CD44: variants seen among roughly 807,000 people sequenced by gnomAD.
CD44 encodes the protein CD44 antigen.
A neutral mutation model predicts 88.8 loss-of-function variants in CD44; 49 were observed. The ratio of observed to expected loss-of-function variants is 0.55; its 90% CI spans 0.44 to 0.70. The LOEUF (loss-of-function observed/expected upper bound fraction) is 0.70. Among genes scored for constraint, CD44 ranks in the 30% least tolerant of loss-of-function variants. The pLI is 0.00. For missense variants in CD44, 883 were observed against 913.8 expected (o/e 0.97, Z 0.43); for synonymous variants, 325 against 312.3 (o/e 1.04, Z -0.43).
chr11:35,154,151 G>T (rs1443779783), intron 1 of CD44, among the ~76,000 whole-genome samples: 1 of 152,182 alleles, frequency 6.6e-6, no homozygotes, highest in Non-Finnish European at 1.5e-5. Flanking sequence ...ATTTACTTAG[G>T]GATCTTGAGT....
intron 1 of CD44, among the ~76,000 whole-genome samples, chr11:35,153,933 A>G (rs1941515463): frequency 6.6e-6 from 1 of 151,680 alleles, no homozygotes; most frequent in African/African-American, 2.4e-5. Context: ...AGAAAGCAAG[A>G]AAAAAAATTT....
intron 1 of CD44, among the ~76,000 whole-genome samples, chr11:35,164,768 G>A (rs1943071582): frequency 1.3e-5 from 2 of 152,222 alleles, no homozygotes; most frequent in South Asian, 4.1e-4. Flanking sequence ...TCTTAATAAT[G>A]AAGGGAAGAA....
At chr11:35,208,970 C>G (rs1185679222) in intron 12 of CD44, among the ~76,000 whole-genome samples, 1 of 152,170 alleles carries the variant, frequency 6.6e-6, no homozygotes, top group Non-Finnish European at 1.5e-5. Flanking sequence ...TATTGATGGT[C>G]AGCAATGTAA....
At chr11:35,187,914 A>C (rs1945853546) in intron 4 of CD44, among the ~76,000 whole-genome samples, 1 of 152,238 alleles carries the variant, frequency 6.6e-6, no homozygotes, top group South Asian at 2.1e-4. Context: ...TATGTTGTCC[A>C]GGCTGGTCTT....
chr11:35,153,621 C>T (rs1049960626), intron 1 of CD44, among the ~76,000 whole-genome samples: 1 of 152,190 alleles, frequency 6.6e-6, no homozygotes, highest in Non-Finnish European at 1.5e-5. Flanking sequence ...ACAAGAGAGG[C>T]ATAGTCTCCT....
rs137859165 is a variant in CD44 at position 35,229,219 on chromosome 11, G to A, written c.2115G>A (p.Lys705=). The A allele has an allele frequency of 1.2e-5, 19 of 1,614,032 alleles. No homozygotes were observed. The highest frequency in any genetic ancestry group is 2.2e-5 in the East Asian group (1 of 44,886). The change falls in exon 18 of 18, where the codon AAG becomes AAA. Residue 705 remains lysine (K), a synonymous_variant. Transcript: ENST00000428726. ...KPSGLNGEAS[K]SQEMVHLVNK... Reference sequence around the variant, plus strand: ...GTGGACTCAACGGAGAGGCCAGCAAGTCTCAGGAAATGGTGCATTTGGTGA... The same window carrying A: ...GTGGACTCAACGGAGAGGCCAGCAAATCTCAGGAAATGGTGCATTTGGTGA...
At chr11:35,226,591 G>A (rs1242232469) in intron 17 of CD44, among the ~76,000 whole-genome samples, 1 of 152,180 alleles carries the variant, frequency 6.6e-6, no homozygotes, top group Non-Finnish European at 1.5e-5. Context: ...TCCAGATACT[G>A]TTCTAAGTGT....
At chr11:35,147,946 C>T (rs1250609003) in intron 1 of CD44, among the ~76,000 whole-genome samples, 1 of 152,052 alleles carries the variant, frequency 6.6e-6, no homozygotes, top group Non-Finnish European at 1.5e-5. Flanking sequence ...AAAAAATTAG[C>T]CGGGCATGGT....
At chr11:35,161,052 T>C (rs1942535159) in intron 1 of CD44, among the ~76,000 whole-genome samples, 1 of 152,214 alleles carries the variant, frequency 6.6e-6, no homozygotes, top group Non-Finnish European at 1.5e-5. Flanking sequence ...TCTTGAGTGG[T>C]TGTAACCAAG....
chr11:35,230,585 A>T lies in CD44; in HGVS notation c.*1252A>T, dbSNP rs1220948743. ...ACACACCAGTGTCTGTTCTTGATGCAGTTGCTATTTAGGATGAGTTAAGTG... is the reference window on the plus strand; with the variant it reads ...ACACACCAGTGTCTGTTCTTGATGCTGTTGCTATTTAGGATGAGTTAAGTG... On this transcript the variant is annotated 3_prime_UTR_variant, in exon 18 of 18. Transcript: ENST00000428726. The T allele has an allele frequency of 2.0e-5, 3 of 152,204 alleles. No individual in the cohort carries two copies. Among genetic ancestry groups the T allele is most frequent in the African/African-American group, 7.2e-5 (3 of 41,442 alleles). 9.4% of individuals were successfully genotyped at this position (152,204 alleles called of 1,614,324 possible). A position where few individuals can be genotyped will look rare whatever the true frequency, so the allele number is the denominator to read the frequency against.
chr11:35,140,179 C>T (rs551173470), intron 1 of CD44, among the ~76,000 whole-genome samples: 1 of 152,352 alleles, frequency 6.6e-6, no homozygotes, highest in East Asian at 1.9e-4. Context: ...ACCAGGGCAA[C>T]ATCAGGGACC....
intron 1 of CD44, among the ~76,000 whole-genome samples, chr11:35,142,831 T>C (rs1379706624): frequency 6.6e-6 from 1 of 152,188 alleles, no homozygotes; most frequent in East Asian, 1.9e-4. Context: ...TTCCCTTCCA[T>C]TCATTCAGGA....
intron 6 of CD44, chr11:35,197,894 C>A: frequency 2.1e-6 from 1 of 475,158 alleles, no homozygotes; most frequent in Non-Finnish European, 3.7e-6. Flanking sequence ...ATTCTTTCAG[C>A]TTTCTTAAAG....
chr11:35,142,182 T>A (rs963739523), intron 1 of CD44, among the ~76,000 whole-genome samples: 3 of 151,728 alleles, frequency 2.0e-5, no homozygotes, highest in African/African-American at 7.3e-5. Context: ...GAGGGGATCT[T>A]TTTTTTTAAT....
rs1948696245 is a variant in CD44 at position 35,214,891 on chromosome 11, C to G, written c.1850C>G (p.Thr617Ser). Residue 617 changes from threonine (T) to serine (S), a missense_variant, in exon 15 of 18, where the codon ACC (threonine) becomes AGC (serine). Physicochemically the swap from Thr to Ser is moderately conservative, Grantham distance 58. Around this residue, in one of 2 missense-constraint regions of CD44, gnomAD observed 631 missense variants for 590.9 expected, o/e 1.07. Transcript: ENST00000428726. ...TTCCACCCCAGTGGGGGGTCCCATACCACTCATGGATCTGAATCAGATGGT... is the reference window on the plus strand; with the variant it reads ...TTCCACCCCAGTGGGGGGTCCCATAGCACTCATGGATCTGAATCAGATGGT... The part of the protein sequence containing the change: ...DTFHPSGGSH[T>S]THGSESDGHS... The G allele has an allele frequency of 6.4e-7, 1 of 1,560,832 alleles. No individual in the cohort carries two copies. Among genetic ancestry groups the G allele is most frequent in the Middle Eastern group, 1.7e-4 (1 of 5,888 alleles).
chr11:35,185,589 CATCCA>C (rs1945584967), intron 3 of CD44, among the ~76,000 whole-genome samples: 1 of 151,696 alleles, frequency 6.6e-6, no homozygotes, highest in South Asian at 2.1e-4. Context: ...TCCCTCTCTC[CATCCA>C]TCTATCCATC....
chr11:35,225,303 C>T (rs950313126), intron 17 of CD44, among the ~76,000 whole-genome samples: 1 of 152,120 alleles, frequency 6.6e-6, no homozygotes, highest in Non-Finnish European at 1.5e-5. Context: ...GCCAAGTTAC[C>T]CACCTAAATC....
chr11:35,145,317 A>G (rs1433145983), intron 1 of CD44, among the ~76,000 whole-genome samples: 1 of 152,184 alleles, frequency 6.6e-6, no homozygotes, highest in Non-Finnish European at 1.5e-5. Context: ...CATGATATCT[A>G]TATATATGGA....
intron 17 of CD44, among the ~76,000 whole-genome samples, chr11:35,222,192 A>C (rs1266014653): frequency 6.6e-6 from 1 of 152,250 alleles, no homozygotes; most frequent in Non-Finnish European, 1.5e-5. Context: ...TATCGTATAA[A>C]GATTCAGTGA....
Sources: allele counts gnomAD v4.1 joint callset (sites outside exome capture counted in the v4.1 genomes callset), GRCh38; gene constraint gnomAD v4.1.1; regional missense constraint gnomAD v4.1.1; transcripts MANE v1.5; gene names NCBI Gene and HGNC (gene_info 2026-07-23, HGNC 2026-07-21).